HDLBP: variants seen among roughly 807,000 people sequenced by gnomAD.
The protein encoded by HDLBP is vigilin.
In HDLBP, 30 loss-of-function variants were observed where a neutral mutation model predicts 137.3. The observed-to-expected ratio is 0.22, with a 90% CI of 0.16 to 0.30. The LOEUF (loss-of-function observed/expected upper bound fraction) is 0.30, where lower values mean the gene tolerates loss of function less well. Among genes scored for constraint, HDLBP ranks in the 10% least tolerant of loss-of-function variants. HDLBP has a pLI of 1.00. For synonymous variants in HDLBP, 606 were observed against 596.0 expected, an observed-to-expected ratio of 1.02 and a Z score of -0.24; for missense variants, 1,119 against 1,667.3, an observed-to-expected ratio of 0.67 and a Z score of 5.73.
intron 1 of HDLBP, chr2:241,268,795 G>A (rs780477105): frequency 6.6e-6 from 1 of 152,206 alleles, no homozygotes; most frequent in Non-Finnish European, 1.5e-5. Context: ...ACCTGAGGGA[G>A]TGATCTTTTA....
intron 4 of HDLBP, among the ~76,000 whole-genome samples, chr2:241,263,961 T>TCC (rs2073420399): frequency 6.6e-6 from 1 of 152,102 alleles, no homozygotes; most frequent in Non-Finnish European, 1.5e-5. Flanking sequence ...GAAGGCCTTC[T>TCC]CCCTTTAGCT....
At chr2:241,264,690 C>A in intron 3 of HDLBP, 85 bp from the exon 4 acceptor site, 2 of 1,298,666 alleles carry the variant, frequency 1.5e-6, no homozygotes, top group Non-Finnish European at 1.1e-6. Flanking sequence ...TGCTTAAAAA[C>A]AGACAAACAA....
At chr2:241,306,858 G>C (rs1371147023) in intron 1 of HDLBP, among the ~76,000 whole-genome samples, 1 of 150,660 alleles carries the variant, frequency 6.6e-6, no homozygotes, top group Non-Finnish European at 1.5e-5. Context: ...CTCCAGCCTG[G>C]GTGACAGGGA....
chr2:241,313,830 G>C (rs903798475), intron 1 of HDLBP, among the ~76,000 whole-genome samples: 12 of 152,206 alleles, frequency 7.9e-5, no homozygotes, highest in Non-Finnish European at 1.3e-4. Context: ...AGTAAGCCTA[G>C]TGGCGCTGAG....
rs978916970 is a variant in HDLBP, at chr2:241,233,100, C to T, written c.3288+720G>A. Among the ~76,000 whole-genome samples the T allele has an allele frequency of 6.6e-6, 1 of 152,158 alleles. No individual in the cohort carries two copies. Among genetic ancestry groups the T allele is most frequent in the Admixed American group, 6.5e-5 (1 of 15,276 alleles). On this transcript the variant is annotated intron_variant, in intron 24 of 27. Coordinates refer to ENST00000310931, the MANE Select transcript of HDLBP (RefSeq NM_005336.6). This position sits in a 1 kb window ranked among gnomAD's most constrained non-coding sequence, Gnocchi z 4.3. ...GGTTTGCTGTTTCTGGAAACCAGCA[C>T]AACTGTGGCCACCAAGGCTTGCTAG...
chr2:241,303,387 G>C (rs147628510), intron 1 of HDLBP, among the ~76,000 whole-genome samples: 1 of 152,260 alleles, frequency 6.6e-6, no homozygotes, highest in Non-Finnish European at 1.5e-5. Flanking sequence ...ACAGGACGCT[G>C]GAAGACTGGA....
At chr2:241,247,444 A>G (rs1361629167) in intron 14 of HDLBP, 3 of 394,410 alleles carry the variant, frequency 7.6e-6, no homozygotes, top group East Asian at 1.1e-4. Context: ...ACGGACCCCT[A>G]CGCTCTGGGC....
intron 1 of HDLBP, among the ~76,000 whole-genome samples, chr2:241,294,836 C>T (rs1036762647): frequency 2.0e-5 from 3 of 152,184 alleles, no homozygotes; most frequent in African/African-American, 7.2e-5. Flanking sequence ...CCCAGTGGCT[C>T]ACACCTGTAA....
rs1237865950 is a variant in HDLBP, at chr2:241,239,817, T to C, written c.2395A>G (p.Asn799Asp). The change falls in exon 19 of 28, where the codon AAT (asparagine) becomes GAT (aspartate). Residue 799 changes from asparagine (N) to aspartate (D), a missense_variant. Coordinates refer to ENST00000310931, the MANE Select transcript of HDLBP (RefSeq NM_005336.6). The surrounding 1 kb of genome is among the most constrained non-coding windows in gnomAD (Gnocchi z 4.6). The part of the protein sequence containing the change: ...ELEALIQNLD[N>D]VVEDSMLVDP... ...ACCAGCATGGAGTCTTCCACCACAT[T>C]ATCCTGCAGTGTTAAGAAGAGATGG... is the stretch of plus-strand genomic sequence containing the variant. 2 of 1,613,386 alleles carry C rather than the reference T, an allele frequency of 1.2e-6. No individual in the cohort carries two copies. Among genetic ancestry groups the C allele is most frequent in the Non-Finnish European group, 1.7e-6 (2 of 1,179,608 alleles).
chr2:241,271,634 A>C (rs2074044272), intron 1 of HDLBP, among the ~76,000 whole-genome samples: 1 of 152,232 alleles, frequency 6.6e-6, no homozygotes, highest in Non-Finnish European at 1.5e-5. Flanking sequence ...TTCGAAGAGA[A>C]TTATCAGTAA....
intron 1 of HDLBP, among the ~76,000 whole-genome samples, chr2:241,290,431 A>G (rs1381626964): frequency 1.3e-5 from 2 of 152,016 alleles, no homozygotes; most frequent in Non-Finnish European, 2.9e-5. Context: ...ACCAACATGG[A>G]GGAACCCCGT....
chr2:241,261,080 A>G (rs1443779556), intron 5 of HDLBP, among the ~76,000 whole-genome samples: 1 of 151,874 alleles, frequency 6.6e-6, no homozygotes, highest in African/African-American at 2.4e-5. Flanking sequence ...CTGCAGTCTC[A>G]ACTACTTGAA....
In HDLBP at chr2:241,240,192, G is replaced by T. The variant is rs752767571; in HGVS notation, c.2170-70C>A. 46 of 1,475,352 alleles carry T rather than the reference G, an allele frequency of 3.1e-5. No homozygotes were observed. The highest frequency in any genetic ancestry group is 4.4e-5 in the Non-Finnish European group (46 of 1,053,788). 91.4% of individuals were successfully genotyped at this position (1,475,352 alleles called of 1,614,324 possible). ...GGACCACAGTGAGGAAGACAAGAGG[G>T]TCTGTAGGACAGCAAGCTCGGGCTC... On this transcript the variant is annotated intron_variant, in intron 17 of 27. Coordinates refer to ENST00000310931, the MANE Select transcript of HDLBP (RefSeq NM_005336.6). The surrounding 1 kb of genome is among the most constrained non-coding windows in gnomAD (Gnocchi z 5.5).
chr2:241,235,046 C>T lies in HDLBP; in HGVS notation c.3144+75G>A. 3 of 1,556,138 alleles carry T rather than the reference C, an allele frequency of 1.9e-6. No homozygotes were observed. The South Asian group carries it at 3.4e-5, about 18-fold the overall frequency. ...GCTGGGATGCTGGGATCCTGAAGAA[C>T]TTCCCTAGATTCTGACATGTGCCCA... On this transcript the variant is annotated intron_variant, in intron 23 of 27. Coordinates refer to ENST00000310931, the MANE Select transcript of HDLBP (RefSeq NM_005336.6).
intron 1 of HDLBP, among the ~76,000 whole-genome samples, chr2:241,301,434 C>A (rs1018008498): frequency 1.3e-5 from 2 of 152,020 alleles, no homozygotes; most frequent in Non-Finnish European, 2.9e-5. Flanking sequence ...AAGCATATCA[C>A]GTAAGAAGAG....
chr2:241,236,932 A>G (rs1559482276), intron 20 of HDLBP, among the ~76,000 whole-genome samples, 163 bp from the exon 21 acceptor site: 1 of 141,886 alleles, frequency 7.0e-6, no homozygotes, highest in Non-Finnish European at 1.5e-5. Context: ...CAGGGAGAGC[A>G]GATAGGACGT....
Position 241,242,563 on chromosome 2 carries a change from T to A in HDLBP, c.2066A>T (p.His689Leu). 6.2e-7 allele frequency: 1 copy of A among 1,614,060 alleles called. No homozygotes were observed. The highest frequency in any genetic ancestry group is 8.5e-7 in the Non-Finnish European group (1 of 1,179,998). ...GCTTCCTGAACCTTCCACGGGAAAG[T>A]GAATGTGGACCCCGCCGCACTCCTC... ...IMEECGGVHI[H>L]FPVEGSGSDT... The change falls in exon 17 of 28, where the codon CAC becomes CTC. Residue 689 changes from histidine to leucine, a missense_variant. Coordinates refer to ENST00000310931, the MANE Select transcript of HDLBP (RefSeq NM_005336.6).
At chr2:241,252,300 G>A (rs2072261714) in intron 11 of HDLBP, among the ~76,000 whole-genome samples, 1 of 152,198 alleles carries the variant, frequency 6.6e-6, no homozygotes, top group Non-Finnish European at 1.5e-5. Flanking sequence ...CCAGGAATTT[G>A]AGACAAGCCT....
At chr2:241,299,351 T>C (rs550776229) in intron 1 of HDLBP, among the ~76,000 whole-genome samples, 152 of 150,576 alleles carry the variant, frequency 1.0e-3, no homozygotes, top group African/African-American at 3.5e-3. Context: ...AAACCGTCTC[T>C]ACTAAAAATA....
Sources: allele counts gnomAD v4.1 joint callset (sites outside exome capture counted in the v4.1 genomes callset), GRCh38; gene constraint gnomAD v4.1.1; non-coding constraint Gnocchi (gnomAD v3.1); transcripts MANE v1.5; gene names NCBI Gene and HGNC (gene_info 2026-07-23, HGNC 2026-07-21).